GPC6: variants seen among roughly 807,000 people sequenced by gnomAD.
GPC6 encodes the protein glypican 6, also known as glypican-6.
A neutral mutation model predicts 55.2 loss-of-function variants in GPC6; 14 were observed. The observed-to-expected ratio is 0.25, with a 90% confidence interval of 0.17 to 0.40. GPC6 has a LOEUF of 0.40. Among genes scored for constraint, GPC6 ranks in the 10% least tolerant of loss-of-function variants. The probability of loss-of-function intolerance (pLI) is 1.00; values close to 1 mark genes in which losing one functional copy is unlikely to be tolerated. For missense variants in GPC6, 641 were observed against 708.5 expected (o/e 0.90, Z 1.08); for synonymous variants, 278 against 259.6 (o/e 1.07, Z -0.68).
intron 4 of GPC6, chr13:94,186,848 C>G (rs1006043863): frequency 6.6e-6 from 1 of 152,206 alleles, no homozygotes; most frequent in African/African-American, 2.4e-5. Context: ...AAATAGCAGG[C>G]CAGAATCCCA....
intron 2 of GPC6, among the ~76,000 whole-genome samples, chr13:93,547,643 C>G (rs574471245): frequency 6.6e-6 from 1 of 152,104 alleles, no homozygotes; most frequent in East Asian, 1.9e-4. Context: ...TTAGCAACCA[C>G]TCATCTTATT....
intron 3 of GPC6, among the ~76,000 whole-genome samples, chr13:93,916,926 T>C (rs1031698193): frequency 6.6e-6 from 1 of 152,182 alleles, no homozygotes; most frequent in Non-Finnish European, 1.5e-5. Flanking sequence ...TTTGAAGGTA[T>C]TTCCATCTTA....
At chr13:93,465,625 T>G (rs1196399550) in intron 1 of GPC6, among the ~76,000 whole-genome samples, 4 of 152,210 alleles carry the variant, frequency 2.6e-5, no homozygotes, top group Admixed American at 2.6e-4. Flanking sequence ...GTGGCTGGTT[T>G]GATCTTCTAT....
chr13:94,019,454 G>A (rs1882615512), intron 3 of GPC6, among the ~76,000 whole-genome samples: 1 of 152,182 alleles, frequency 6.6e-6, no homozygotes, highest in African/African-American at 2.4e-5. Context: ...CGGAACTCAG[G>A]TTGTCAGGTG....
At chr13:94,153,234 G>A (rs1037784197) in intron 4 of GPC6, among the ~76,000 whole-genome samples, 1 of 151,910 alleles carries the variant, frequency 6.6e-6, no homozygotes, top group Admixed American at 6.6e-5. Context: ...CTCTTCATGC[G>A]AGTCAGATTC....
chr13:93,612,455 C>T (rs535725258), intron 2 of GPC6, among the ~76,000 whole-genome samples: 6 of 151,088 alleles, frequency 4.0e-5, no homozygotes, highest in Non-Finnish European at 2.9e-5. Context: ...GCCAAGATTG[C>T]GCCACTGCAC....
intron 2 of GPC6, among the ~76,000 whole-genome samples, chr13:93,827,834 T>G (rs1001473661): frequency 4.6e-5 from 7 of 152,094 alleles, no homozygotes; most frequent in Non-Finnish European, 1.0e-4. Flanking sequence ...GTTTGAACCA[T>G]TCACTTTCAA....
At chr13:93,741,259 C>T (rs759244595) in intron 2 of GPC6, among the ~76,000 whole-genome samples, 241 of 151,326 alleles carry the variant, frequency 1.6e-3, no homozygotes, top group African/African-American at 3.9e-3. Context: ...GGACTACAGG[C>T]GCCCACCACC....
intron 4 of GPC6, among the ~76,000 whole-genome samples, chr13:94,123,016 A>G (rs960035695): frequency 4.6e-5 from 7 of 152,130 alleles, no homozygotes; most frequent in African/African-American, 1.7e-4. Context: ...GCCCTTGCTA[A>G]TATCTTACTG....
Position 93,758,928 on chromosome 13 carries a change from AC to A in GPC6, c.320-71222del, listed in dbSNP as rs1884868061. On this transcript the variant is annotated intron_variant, in intron 2 of 8. Coordinates refer to ENST00000377047, the MANE Select transcript of GPC6 (RefSeq NM_005708.5). ...CTCCTGCATTTCTTTTGAATCCCAG[AC>A]CCCACTTCTTTTCTCCTGCCTCTGA... Among the ~76,000 whole-genome samples, 4 of 151,848 alleles carry A rather than the reference AC, an allele frequency of 2.6e-5. No individual in the cohort carries two copies. The South Asian group carries it at 8.3e-4, about 32-fold the overall frequency.
chr13:94,058,378 G>A (rs1169022597), intron 4 of GPC6, among the ~76,000 whole-genome samples: 4 of 152,096 alleles, frequency 2.6e-5, no homozygotes, highest in East Asian at 1.9e-4. Context: ...AGGATTATTC[G>A]TGCATTCATG....
chr13:94,211,105 T>C (rs114897527), intron 4 of GPC6, among the ~76,000 whole-genome samples: 2,201 of 152,300 alleles, frequency 0.014, 65 homozygotes, highest in African/African-American at 0.049. Flanking sequence ...TCCTATCCTG[T>C]ACTTATATTC....
chr13:93,449,187 G>C (rs1878120685), intron 1 of GPC6, among the ~76,000 whole-genome samples: 1 of 152,164 alleles, frequency 6.6e-6, no homozygotes, highest in African/African-American at 2.4e-5. Flanking sequence ...GTACAGATGA[G>C]GAAGGTTCCT....
At chr13:93,410,231 T>C (rs1438918988) in intron 1 of GPC6, among the ~76,000 whole-genome samples, 1 of 152,210 alleles carries the variant, frequency 6.6e-6, no homozygotes, top group Non-Finnish European at 1.5e-5. Context: ...CAATTGATTA[T>C]TCATAGGTTG....
chr13:94,007,334 A>G (rs1882062541), intron 3 of GPC6, among the ~76,000 whole-genome samples: 1 of 152,252 alleles, frequency 6.6e-6, no homozygotes, highest in South Asian at 2.1e-4. Flanking sequence ...GAAATAAAGC[A>G]GTGAACAGTG....
At chr13:93,848,027 T>G (rs1340203922) in intron 3 of GPC6, among the ~76,000 whole-genome samples, 2 of 152,158 alleles carry the variant, frequency 1.3e-5, no homozygotes, top group African/African-American at 4.8e-5. Context: ...GTCTAGCAGT[T>G]TTTTGAACAC....
intron 2 of GPC6, among the ~76,000 whole-genome samples, chr13:93,690,994 A>C (rs1882237490): frequency 6.6e-6 from 1 of 152,102 alleles, no homozygotes; most frequent in Admixed American, 6.6e-5. Context: ...AAAAACAATT[A>C]GTGTATTTCT....
chr13:93,723,990 G>A (rs1883542175), intron 2 of GPC6, among the ~76,000 whole-genome samples: 4 of 151,828 alleles, frequency 2.6e-5, no homozygotes. Flanking sequence ...ACTCCTAAGG[G>A]TGAAGCACCT....
chr13:93,364,634 T>C (rs1247286603), intron 1 of GPC6, among the ~76,000 whole-genome samples: 1 of 151,704 alleles, frequency 6.6e-6, no homozygotes, highest in Non-Finnish European at 1.5e-5. Context: ...CAATTTCATA[T>C]ATCTCAGTTC....
Sources: gnomAD v4.1 joint callset for allele counts (sites outside exome capture counted in the v4.1 genomes callset) on GRCh38, gnomAD v4.1.1 for gene constraint, MANE v1.5 for transcripts, NCBI Gene and HGNC (gene_info 2026-07-23, HGNC 2026-07-21) for gene names.